Variants in GPC6 observed in about 807,000 individuals in gnomAD.
GPC6 encodes the protein glypican-6.
A neutral mutation model predicts 55.2 loss-of-function variants in GPC6; 14 were observed. The observed-to-expected ratio is 0.25, with a 90% CI of 0.17 to 0.40. The LOEUF is 0.40. GPC6 is among the 10% of genes least tolerant of loss of function. The pLI is 1.00. For missense variants in GPC6, 641 were observed against 708.5 expected, an observed-to-expected ratio of 0.90 and a Z score of 1.08; for synonymous variants, 278 against 259.6, an observed-to-expected ratio of 1.07 and a Z score of -0.68.
At chr13:93,897,728 C>T (rs957224659) in intron 3 of GPC6, among the ~76,000 whole-genome samples, 1 of 151,916 alleles carries the variant, frequency 6.6e-6, no homozygotes, top group Non-Finnish European at 1.5e-5. Flanking sequence ...AGTCTTCTGT[C>T]CCCCCCATCT....
At chr13:94,095,073 T>C (rs1349359119) in intron 4 of GPC6, among the ~76,000 whole-genome samples, 1 of 152,126 alleles carries the variant, frequency 6.6e-6, no homozygotes, top group African/African-American at 2.4e-5. Context: ...AATAAAAATT[T>C]CGTTTCTGTA....
chr13:93,781,306 T>A (rs1347068525), intron 2 of GPC6, among the ~76,000 whole-genome samples: 1 of 150,964 alleles, frequency 6.6e-6, no homozygotes, highest in Non-Finnish European at 1.5e-5. Flanking sequence ...AAGAAATACA[T>A]AATTATACTT....
chr13:94,329,032 G>C (rs921686530), intron 6 of GPC6, among the ~76,000 whole-genome samples: 14 of 152,298 alleles, frequency 9.2e-5, no homozygotes, highest in Middle Eastern at 3.4e-3. Flanking sequence ...AGAACCCCGG[G>C]GGGGGCTGAA....
intron 3 of GPC6, among the ~76,000 whole-genome samples, chr13:93,842,665 C>G (rs1455375816): frequency 6.6e-6 from 1 of 151,940 alleles, no homozygotes; most frequent in Non-Finnish European, 1.5e-5. Flanking sequence ...TATGAATCAC[C>G]CTAGCCAAAT....
chr13:94,231,893 T>A (rs1411324961), intron 4 of GPC6, among the ~76,000 whole-genome samples: 1 of 152,042 alleles, frequency 6.6e-6, no homozygotes, highest in African/African-American at 2.4e-5. Flanking sequence ...TAAAAATTTT[T>A]AAAAAGTTTT....
intron 2 of GPC6, among the ~76,000 whole-genome samples, chr13:93,659,658 T>C (rs991006631): frequency 6.6e-6 from 1 of 152,036 alleles, no homozygotes; most frequent in African/African-American, 2.4e-5. Context: ...ATTCATTACA[T>C]ATAATATCTT....
chr13:94,229,651 A>G (rs1265059876), intron 4 of GPC6, among the ~76,000 whole-genome samples: 2 of 152,224 alleles, frequency 1.3e-5, no homozygotes, highest in Non-Finnish European at 2.9e-5. Context: ...CCCCCTGCTC[A>G]ATAACACAAG....
intron 2 of GPC6, among the ~76,000 whole-genome samples, chr13:93,747,571 G>T (rs560476826): frequency 6.6e-6 from 1 of 152,252 alleles, no homozygotes; most frequent in Non-Finnish European, 1.5e-5. Context: ...CAATCAATGT[G>T]CTTTTGGCTG....
At chr13:94,261,464 G>T (rs1891655949) in intron 4 of GPC6, among the ~76,000 whole-genome samples, 1 of 152,186 alleles carries the variant, frequency 6.6e-6, no homozygotes, top group African/African-American at 2.4e-5. Flanking sequence ...CTGTCTACTA[G>T]TTGGTTACCT....
At chr13:93,916,730 C>T (rs1046783344) in intron 3 of GPC6, among the ~76,000 whole-genome samples, 18 of 151,296 alleles carry the variant, frequency 1.2e-4, no homozygotes, top group East Asian at 1.9e-4. Flanking sequence ...TTCTATTGAC[C>T]TAGCACTCTG....
At chr13:93,871,260 T>C (rs1041437005) in intron 3 of GPC6, among the ~76,000 whole-genome samples, 2 of 151,972 alleles carry the variant, frequency 1.3e-5, no homozygotes, top group African/African-American at 4.8e-5. Context: ...GTTTTTCAAC[T>C]ACAGAGTGGG....
intron 2 of GPC6, among the ~76,000 whole-genome samples, chr13:93,608,040 T>G (rs1357533254): frequency 6.6e-6 from 1 of 152,170 alleles, no homozygotes; most frequent in Non-Finnish European, 1.5e-5. Flanking sequence ...TTGGAGTATT[T>G]TTTTTTCTAG....
chr13:93,501,505 A>AC (rs1880519416), intron 1 of GPC6, among the ~76,000 whole-genome samples: 1 of 152,194 alleles, frequency 6.6e-6, no homozygotes, highest in South Asian at 2.1e-4. Flanking sequence ...CATAAAAATG[A>AC]GTAATAGTTT....
At chr13:93,856,114 T>A (rs1336865078) in intron 3 of GPC6, among the ~76,000 whole-genome samples, 2 of 151,356 alleles carry the variant, frequency 1.3e-5, no homozygotes, top group Non-Finnish European at 3.0e-5. Flanking sequence ...GGTGAGAGAG[T>A]ATATATCAGC....
chr13:93,609,966 C>T (rs2139537906), intron 2 of GPC6, among the ~76,000 whole-genome samples: 1 of 152,282 alleles, frequency 6.6e-6, no homozygotes, highest in South Asian at 2.1e-4. Flanking sequence ...TTCAGTACCT[C>T]CCTGCCTTTT....
At chr13:93,657,154 G>A (rs575914303) in intron 2 of GPC6, among the ~76,000 whole-genome samples, 1 of 151,998 alleles carries the variant, frequency 6.6e-6, no homozygotes, top group South Asian at 2.1e-4. Flanking sequence ...GCAATCCCAA[G>A]CAAAAGGAAC....
chr13:93,427,545 C>G (rs967224124), intron 1 of GPC6, among the ~76,000 whole-genome samples: 4 of 152,058 alleles, frequency 2.6e-5, no homozygotes, highest in Non-Finnish European at 5.9e-5. Context: ...ACTGGCTAGC[C>G]ATATGTAGAA....
chr13:93,879,335 A>G (rs1398978227), intron 3 of GPC6, among the ~76,000 whole-genome samples: 1 of 152,170 alleles, frequency 6.6e-6, no homozygotes, highest in Non-Finnish European at 1.5e-5. Context: ...TACAGTAACC[A>G]AAACAGCATG....
chr13:93,338,339 G>A (rs1159632579), intron 1 of GPC6, among the ~76,000 whole-genome samples: 1 of 152,174 alleles, frequency 6.6e-6, no homozygotes, highest in Admixed American at 6.5e-5. Flanking sequence ...TGAAATTTAT[G>A]ACAGGCAGCC....
Sources: gnomAD v4.1 joint callset for allele counts (sites outside exome capture counted in the v4.1 genomes callset) on GRCh38, gnomAD v4.1.1 for gene constraint, MANE v1.5 for transcripts, NCBI Gene and HGNC (gene_info 2026-07-23, HGNC 2026-07-21) for gene names.